The following SLC5A8 variants were observed in gnomAD, a reference collection of about 807,000 sequenced individuals.
SLC5A8 encodes sodium-coupled monocarboxylate transporter 1.
SLC5A8 carries 55 observed loss-of-function variants against 71.9 expected under a neutral mutation model. The observed-to-expected ratio is 0.77, with a 90% CI of 0.62 to 0.96. The LOEUF is 0.96. SLC5A8 is among the 40% of genes least tolerant of loss of function. SLC5A8 has a pLI of 0.00. For missense variants in SLC5A8, 701 were observed against 745.3 expected (o/e 0.94, Z 0.69); for synonymous variants, 307 against 276.1 (o/e 1.11, Z -1.11).
chr12:101,183,949 C>T (rs1204601029), intron 8 of SLC5A8, among the ~76,000 whole-genome samples, 185 bp downstream of exon 8: 2 of 151,966 alleles, frequency 1.3e-5, no homozygotes, highest in South Asian at 2.1e-4. Context: ...AAAGTGGAGC[C>T]GATGACAACA....
intron 5 of SLC5A8, among the ~76,000 whole-genome samples, chr12:101,193,370 T>G (rs958733910): frequency 6.6e-6 from 1 of 152,146 alleles, no homozygotes; most frequent in Non-Finnish European, 1.5e-5. Flanking sequence ...AGAAAATACT[T>G]TTTTTGCTTT....
At chr12:101,177,784 A>G (rs1459603652) in intron 10 of SLC5A8, among the ~76,000 whole-genome samples, 2 of 152,162 alleles carry the variant, frequency 1.3e-5, no homozygotes, top group African/African-American at 4.8e-5. Flanking sequence ...AAATAGGAAT[A>G]GAGAATAGGA....
Position 101,204,481 on chromosome 12 carries a change from T to C in SLC5A8, c.417+19A>G. On this transcript the variant is annotated intron_variant, in intron 2 of 14. Coordinates refer to ENST00000536262, the MANE Select transcript of SLC5A8 (RefSeq NM_145913.5). ...ACATTTTAGCTGACAAAAGATAAAATAAATGGAGAGCTACTTACTGTTTGA... is the reference window on the plus strand; with the variant it reads ...ACATTTTAGCTGACAAAAGATAAAACAAATGGAGAGCTACTTACTGTTTGA... 1 of 1,581,582 alleles carries C rather than the reference T, an allele frequency of 6.3e-7. No homozygotes were observed. The highest frequency in any genetic ancestry group is 8.6e-7 in the Non-Finnish European group (1 of 1,165,066).
At chr12:101,208,861 G>A (rs1869788598) in intron 1 of SLC5A8, among the ~76,000 whole-genome samples, 1 of 152,208 alleles carries the variant, frequency 6.6e-6, no homozygotes. Context: ...CCAACTGGAT[G>A]AGGTAGGTGA....
intron 13 of SLC5A8, among the ~76,000 whole-genome samples, chr12:101,158,898 T>C (rs1368192036): frequency 6.7e-6 from 1 of 150,104 alleles, no homozygotes; most frequent in Non-Finnish European, 1.5e-5. Flanking sequence ...TAAGTGAAAA[T>C]TAGTATGCTG....
chr12:101,208,014 G>T lies in SLC5A8; in HGVS notation c.351+1484C>A, dbSNP rs192669008. Among the ~76,000 whole-genome samples the T allele has an allele frequency of 4.6e-5, 7 of 152,182 alleles. No individual in the cohort carries two copies. In the East Asian group the frequency reaches 1.4e-3, roughly 29 times the overall value. ...GAGTTCCTGTGGCCACAGGGAGCAT[G>T]GGCCCAGTGTTACCAGCCTTTTGAG... On this transcript the variant is annotated intron_variant, in intron 1 of 14. Transcript: ENST00000536262.
intron 1 of SLC5A8, 30 bp downstream of exon 1, chr12:101,209,468 T>C (rs1195484650): frequency 2.0e-6 from 3 of 1,519,446 alleles, no homozygotes; most frequent in Admixed American, 4.0e-5. Flanking sequence ...CCCCGCGCCC[T>C]GCATGGTCCC....
chr12:101,166,566 T>G lies in SLC5A8; in HGVS notation c.1454A>C (p.Asn485Thr), dbSNP rs1057382388. Residue 485 changes from asparagine (N) to threonine (T), a missense_variant, in exon 12 of 15, where the codon AAT becomes ACT. By Grantham distance (65) the Asn-to-Thr change is moderately conservative. Transcript: ENST00000536262. ...TGTGGTTGTCATCAAATTTGTCTCA[T>G]TGTAGGTGCTGTTACAGCCTTGGAT... ...LDIQGCNSTY[N>T]ETNLMTTTEM... 1.9e-6 allele frequency: 3 copies of G among 1,613,932 alleles called. No individual in the cohort carries two copies. In the African/African-American group the frequency reaches 4.0e-5, roughly 22 times the overall value.
At chr12:101,201,547 G>A (rs889743951) in intron 3 of SLC5A8, among the ~76,000 whole-genome samples, 1 of 152,192 alleles carries the variant, frequency 6.6e-6, no homozygotes, top group Non-Finnish European at 1.5e-5. Flanking sequence ...TAGCATGAAC[G>A]TTTGCTTCAA....
intron 13 of SLC5A8, 101 bp downstream of exon 13, chr12:101,161,873 G>A: frequency 1.2e-6 from 1 of 829,728 alleles, no homozygotes; most frequent in South Asian, 1.7e-5. Context: ...TAAACTAGTT[G>A]GCAATAGGAT....
intron 5 of SLC5A8, among the ~76,000 whole-genome samples, chr12:101,192,074 C>T (rs545850731): frequency 1.3e-5 from 2 of 152,154 alleles, no homozygotes; most frequent in Non-Finnish European, 2.9e-5. Context: ...GACTTCCCCC[C>T]TCCCTGTTCT....
At chr12:101,164,707 T>C (rs2051753395) in intron 12 of SLC5A8, among the ~76,000 whole-genome samples, 1 of 152,162 alleles carries the variant, frequency 6.6e-6, no homozygotes, top group Non-Finnish European at 1.5e-5. Context: ...CATGCAATTC[T>C]CCTCTAAGAA....
At chr12:101,161,894 T>C in intron 13 of SLC5A8, 80 bp downstream of exon 13, 1 of 1,012,228 alleles carries the variant, frequency 9.9e-7, no homozygotes, top group Middle Eastern at 2.6e-4. Flanking sequence ...CATAGTAAAA[T>C]AACATAAATA....
At chr12:101,158,643 A>G (rs1254777558) in intron 13 of SLC5A8, among the ~76,000 whole-genome samples, 2 of 119,350 alleles carry the variant, frequency 1.7e-5, no homozygotes, top group Non-Finnish European at 3.6e-5. Flanking sequence ...TGTATCATAT[A>G]TATGTGTGTG....
At chr12:101,170,939 G>A (rs541707576) in intron 10 of SLC5A8, among the ~76,000 whole-genome samples, 3 of 152,234 alleles carry the variant, frequency 2.0e-5, no homozygotes, top group African/African-American at 7.2e-5. Context: ...CCTTGAGTTC[G>A]CTTTGCATCA....
intron 10 of SLC5A8, among the ~76,000 whole-genome samples, chr12:101,177,254 A>C (rs576153595): frequency 2.6e-4 from 36 of 139,980 alleles, no homozygotes; most frequent in African/African-American, 1.1e-3. Context: ...TATTAAGGAA[A>C]TTAAATTCAT....
At chr12:101,182,752 C>CA (rs758350967) in intron 9 of SLC5A8, 51 bp downstream of exon 9, 2 of 1,371,648 alleles carry the variant, frequency 1.5e-6, no homozygotes, top group African/African-American at 1.5e-5. Context: ...TTTTGTGTCT[C>CA]AAAAAATCAT....
At chr12:101,164,943 C>G (rs923816796) in intron 12 of SLC5A8, among the ~76,000 whole-genome samples, 1 of 152,206 alleles carries the variant, frequency 6.6e-6, no homozygotes, top group Non-Finnish European at 1.5e-5. Flanking sequence ...AACTTACACT[C>G]CAACTTTGTA....
chr12:101,208,633 G>A (rs962701206), intron 1 of SLC5A8, among the ~76,000 whole-genome samples: 2 of 152,106 alleles, frequency 1.3e-5, no homozygotes, highest in Admixed American at 1.3e-4. Context: ...CAGGGGACCT[G>A]TGCAATAGAG....
Sources: allele counts gnomAD v4.1 joint callset (sites outside exome capture counted in the v4.1 genomes callset), GRCh38; gene constraint gnomAD v4.1.1; transcripts MANE v1.5; gene names NCBI Gene and HGNC (gene_info 2026-07-23, HGNC 2026-07-21).